MGMT: variants seen among roughly 807,000 people sequenced by gnomAD.
The protein encoded by MGMT is O-6-methylguanine-DNA methyltransferase.
MGMT carries 14 observed loss-of-function variants against 15.9 expected under a neutral mutation model. That is an observed-to-expected ratio of 0.88 (90% CI 0.58 to 1.37). MGMT has a LOEUF of 1.37. MGMT is among the 40% of genes most tolerant of loss of function. The pLI, the probability that MGMT is intolerant of heterozygous loss-of-function variation, is 0.00. For missense variants in MGMT, 282 were observed against 268.1 expected, an observed-to-expected ratio of 1.05 and a Z score of -0.36; for synonymous variants, 130 against 118.2, an observed-to-expected ratio of 1.10 and a Z score of -0.65.
chr10:129,575,561 A>G (rs1471136134), intron 2 of MGMT, among the ~76,000 whole-genome samples: 3 of 149,292 alleles, frequency 2.0e-5, no homozygotes, highest in Admixed American at 1.3e-4. Context: ...TTATAGCACT[A>G]AATGCCCACA....
intron 1 of MGMT, among the ~76,000 whole-genome samples, chr10:129,504,278 C>T (rs1339168057): frequency 1.3e-5 from 2 of 152,178 alleles, no homozygotes; most frequent in Non-Finnish European, 2.9e-5. Flanking sequence ...ATCTGGTCAA[C>T]GTTGACATTG....
At chr10:129,560,954 AGTGTGTGT>A (rs57984603) in intron 2 of MGMT, among the ~76,000 whole-genome samples, 192 of 133,312 alleles carry the variant, frequency 1.4e-3, no homozygotes, top group African/African-American at 4.2e-3. Context: ...AGTAAAGAGC[AGTGTGTGT>A]GTGTGTGTGT....
At chr10:129,621,940 A>C in intron 2 of MGMT, among the ~76,000 whole-genome samples, 1 of 152,220 alleles carries the variant, frequency 6.6e-6, no homozygotes, top group East Asian at 1.9e-4. Flanking sequence ...GGTAATATAG[A>C]GATGACTATT....
intron 4 of MGMT, among the ~76,000 whole-genome samples, chr10:129,765,231 G>A (rs1848919941): frequency 1.3e-5 from 2 of 152,168 alleles, no homozygotes; most frequent in South Asian, 4.1e-4. Context: ...GATGAAGGCT[G>A]TTGCCTGGGA....
At chr10:129,499,095 A>T (rs551870927) in intron 1 of MGMT, among the ~76,000 whole-genome samples, 8 of 152,342 alleles carry the variant, frequency 5.3e-5, no homozygotes, top group African/African-American at 1.9e-4. Context: ...GTTTGCTTAT[A>T]TGGTGGCTTC....
intron 2 of MGMT, among the ~76,000 whole-genome samples, chr10:129,672,238 T>C (rs559279312): frequency 3.7e-4 from 56 of 152,378 alleles, no homozygotes; most frequent in South Asian, 1.4e-3. Context: ...TGTGACTTTT[T>C]CTTCAGGCTT....
chr10:129,708,102 C>A, intron 3 of MGMT, 59 bp downstream of exon 3: 2 of 1,547,686 alleles, frequency 1.3e-6, no homozygotes, highest in Non-Finnish European at 1.7e-6. Context: ...TTAACGATCG[C>A]TGACATCACA....
At chr10:129,714,800 C>G (rs573660723) in intron 3 of MGMT, among the ~76,000 whole-genome samples, 211 of 152,318 alleles carry the variant, frequency 1.4e-3, no homozygotes, top group African/African-American at 4.6e-3. Flanking sequence ...ATGCCAGCCC[C>G]TCTCCTAGGA....
intron 2 of MGMT, among the ~76,000 whole-genome samples, chr10:129,568,361 A>G (rs1041065163): frequency 6.6e-6 from 1 of 152,194 alleles, no homozygotes; most frequent in Non-Finnish European, 1.5e-5. Context: ...TGTGCCTGGG[A>G]TTCCTCCTCG....
intron 3 of MGMT, among the ~76,000 whole-genome samples, chr10:129,720,244 T>C (rs1848353818): frequency 6.6e-6 from 1 of 152,218 alleles, no homozygotes; most frequent in Non-Finnish European, 1.5e-5. Context: ...ACTGTTAAGC[T>C]CTAGGCCACA....
chr10:129,514,573 A>G (rs1156680769), intron 1 of MGMT, among the ~76,000 whole-genome samples: 1 of 152,212 alleles, frequency 6.6e-6, no homozygotes, highest in East Asian at 1.9e-4. Flanking sequence ...AGTGAGTACT[A>G]TGGTCCAAAT....
At chr10:129,517,824 C>T (rs79687752) in intron 1 of MGMT, among the ~76,000 whole-genome samples, 4,801 of 152,272 alleles carry the variant, frequency 0.032, 117 homozygotes, top group South Asian at 0.066. Flanking sequence ...AATGTAACTG[C>T]GACGCCGCAG....
At chr10:129,487,896 A>G (rs1199976590) in intron 1 of MGMT, among the ~76,000 whole-genome samples, 1 of 148,416 alleles carries the variant, frequency 6.7e-6, no homozygotes, top group Non-Finnish European at 1.5e-5. Flanking sequence ...GTGTGTGTAT[A>G]TATATACCAT....
intron 1 of MGMT, among the ~76,000 whole-genome samples, chr10:129,512,544 G>A (rs575200043): frequency 4.6e-5 from 7 of 152,210 alleles, no homozygotes; most frequent in East Asian, 1.9e-4. Flanking sequence ...GGAATGGACT[G>A]TGTCTCATTT....
intron 1 of MGMT, among the ~76,000 whole-genome samples, chr10:129,472,386 C>T (rs977074791): frequency 3.3e-5 from 5 of 151,966 alleles, no homozygotes; most frequent in South Asian, 2.1e-4. Flanking sequence ...AATTTCTATC[C>T]ACTACATGGA....
intron 1 of MGMT, among the ~76,000 whole-genome samples, chr10:129,473,555 T>C (rs902770763): frequency 6.6e-6 from 1 of 152,214 alleles, no homozygotes; most frequent in African/African-American, 2.4e-5. Context: ...CAGATTTATT[T>C]GATAACCAAG....
intron 1 of MGMT, among the ~76,000 whole-genome samples, chr10:129,487,677 A>G (rs1036770014): frequency 6.6e-6 from 1 of 151,854 alleles, no homozygotes; most frequent in African/African-American, 2.4e-5. Flanking sequence ...TTATTGATTT[A>G]TAGGATTATT....
intron 2 of MGMT, among the ~76,000 whole-genome samples, chr10:129,587,966 C>T (rs1470002814): frequency 6.6e-6 from 1 of 151,960 alleles, no homozygotes; most frequent in Non-Finnish European, 1.5e-5. Context: ...AATAAATATC[C>T]TTTAGCTTTG....
intron 2 of MGMT, among the ~76,000 whole-genome samples, chr10:129,671,533 A>G (rs773606257): frequency 2.6e-5 from 4 of 152,252 alleles, no homozygotes; most frequent in Non-Finnish European, 4.4e-5. Context: ...AAGTGGGAGC[A>G]ACTGAGACTT....
Sources: gnomAD v4.1 joint callset for allele counts (sites outside exome capture counted in the v4.1 genomes callset) on GRCh38, gnomAD v4.1.1 for gene constraint, MANE v1.5 for transcripts, NCBI Gene and HGNC (gene_info 2026-07-23, HGNC 2026-07-21) for gene names.